RFFL: variants seen among roughly 807,000 people sequenced by gnomAD.
RFFL encodes the protein ring finger and FYVE like domain containing E3 ubiquitin protein ligase, also known as E3 ubiquitin-protein ligase rififylin.
In RFFL, 16 loss-of-function variants were observed where a neutral mutation model predicts 40.4. That is an observed-to-expected ratio of 0.40 (90% CI 0.27 to 0.60). The LOEUF is 0.60. Among genes scored for constraint, RFFL ranks in the 20% least tolerant of loss-of-function variants. RFFL has a pLI of 0.47. For synonymous variants in RFFL, 154 were observed against 167.9 expected (o/e 0.92, Z 0.64); for missense variants, 367 against 451.7 (o/e 0.81, Z 1.70).
chr17:35,083,403 T>A (rs2091412079), intron 1 of RFFL, among the ~76,000 whole-genome samples: 1 of 152,144 alleles, frequency 6.6e-6, no homozygotes, highest in Non-Finnish European at 1.5e-5. Flanking sequence ...AAATCAAACA[T>A]CCTGGATAGC....
At chr17:35,072,765 C>T (rs999197863) in intron 1 of RFFL, among the ~76,000 whole-genome samples, 20 of 151,684 alleles carry the variant, frequency 1.3e-4, no homozygotes, top group Non-Finnish European at 8.8e-5. Flanking sequence ...AAAAAGTGGT[C>T]GGGCGTGGTG....
intron 2 of RFFL, among the ~76,000 whole-genome samples, chr17:35,023,438 ACAG>A (rs1394217592): frequency 9.9e-5 from 15 of 152,252 alleles, no homozygotes; most frequent in Admixed American, 8.5e-4. Flanking sequence ...AATTCTCCAT[ACAG>A]TTATAACCAA....
intron 1 of RFFL, among the ~76,000 whole-genome samples, chr17:35,049,330 A>G (rs1407368593): frequency 6.6e-6 from 1 of 152,160 alleles, no homozygotes; most frequent in African/African-American, 2.4e-5. Context: ...ACACAAACAC[A>G]TTATCAAAAC....
intron 1 of RFFL, among the ~76,000 whole-genome samples, chr17:35,083,661 G>A (rs1169038221): frequency 1.3e-5 from 2 of 151,824 alleles, no homozygotes; most frequent in East Asian, 3.9e-4. Context: ...CATGTCTGTA[G>A]TCCCAGTTAC....
chr17:35,062,164 G>A (rs2091295357), intron 1 of RFFL, among the ~76,000 whole-genome samples: 1 of 151,810 alleles, frequency 6.6e-6, no homozygotes, highest in African/African-American at 2.4e-5. Flanking sequence ...CAGCACTTTG[G>A]GAGGCCAAGG....
At chr17:35,063,932 C>CGGGG (rs1334705739), upstream of RFFL, 5 of 152,208 alleles carry the variant, frequency 3.3e-5, no homozygotes, top group African/African-American at 1.2e-4. Context: ...TCCCCCACTA[C>CGGGG]TGGTAACTTG....
chr17:35,087,940 C>A (rs2091439074), intron 1 of RFFL, among the ~76,000 whole-genome samples: 1 of 152,202 alleles, frequency 6.6e-6, no homozygotes, highest in Non-Finnish European at 1.5e-5. Flanking sequence ...AGCCCTAGAA[C>A]TCTGTACACA....
At chr17:35,065,550 C>T (rs2091316173), upstream of RFFL, among the ~76,000 whole-genome samples, 1 of 139,902 alleles carries the variant, frequency 7.1e-6, no homozygotes, top group African/African-American at 2.7e-5. Context: ...CAGAGCAAAA[C>T]TTCGTCTCAA....
intron 1 of RFFL, among the ~76,000 whole-genome samples, chr17:35,039,749 T>C (rs71381409): frequency 0.026 from 3,876 of 150,086 alleles, 168 homozygotes; most frequent in African/African-American, 0.088. Flanking sequence ...ACGATCTCAG[T>C]TCACTGCAAC....
intron 1 of RFFL, among the ~76,000 whole-genome samples, chr17:35,030,503 A>G (rs9903555): frequency 0.026 from 3,924 of 152,052 alleles, 213 homozygotes; most frequent in African/African-American, 0.088. Flanking sequence ...GGGTTTCACC[A>G]TGTTAGCCAG....
At chr17:35,030,829 A>G (rs1049671982) in intron 1 of RFFL, among the ~76,000 whole-genome samples, 1 of 151,736 alleles carries the variant, frequency 6.6e-6, no homozygotes, top group Non-Finnish European at 1.5e-5. Context: ...AGAAGGCCTC[A>G]GTCCTAAGTC....
intron 1 of RFFL, among the ~76,000 whole-genome samples, chr17:35,033,482 C>G (rs574226114): frequency 2.0e-5 from 3 of 151,948 alleles, no homozygotes; most frequent in African/African-American, 7.3e-5. Context: ...GAGCCAAGAT[C>G]ACACCATTGC....
At chr17:35,082,933 G>C (rs1567719321) in intron 1 of RFFL, among the ~76,000 whole-genome samples, 4 of 152,152 alleles carry the variant, frequency 2.6e-5, no homozygotes. Context: ...AACTACGTTA[G>C]GGATAACGTA....
intron 1 of RFFL, among the ~76,000 whole-genome samples, chr17:35,071,816 G>A (rs1017348050): frequency 3.9e-5 from 6 of 152,116 alleles, no homozygotes; most frequent in Middle Eastern, 3.4e-3. Flanking sequence ...ATGCCCTTCC[G>A]GTGAATAGTT....
intron 1 of RFFL, among the ~76,000 whole-genome samples, chr17:35,050,960 G>T (rs374646518): frequency 6.6e-6 from 1 of 152,274 alleles, no homozygotes; most frequent in East Asian, 1.9e-4. Flanking sequence ...CAACATGAGT[G>T]AAATTGTCTC....
chr17:35,025,360 ATGAG>A (rs1300063198), intron 2 of RFFL: 1 of 152,206 alleles, frequency 6.6e-6, no homozygotes, highest in Non-Finnish European at 1.5e-5. Context: ...AGGGAAAAGA[ATGAG>A]TATTTTAATA....
intron 3 of RFFL, among the ~76,000 whole-genome samples, chr17:35,019,767 A>G (rs2090997079): frequency 6.6e-6 from 1 of 152,182 alleles, no homozygotes; most frequent in South Asian, 2.1e-4. Flanking sequence ...AGGGAAGAAT[A>G]TATAGCAGGA....
chr17:35,059,009 G>A (rs1293196093), intron 1 of RFFL, among the ~76,000 whole-genome samples: 5 of 150,252 alleles, frequency 3.3e-5, no homozygotes, highest in African/African-American at 9.8e-5. Flanking sequence ...AAAGAAGCTC[G>A]AGCTAGAATT....
chr17:35,056,522 C>T (rs1374984043), intron 1 of RFFL, among the ~76,000 whole-genome samples: 1 of 151,868 alleles, frequency 6.6e-6, no homozygotes, highest in African/African-American at 2.4e-5. Context: ...GGATTACAGG[C>T]ATGCACCACC....
Sources: allele counts gnomAD v4.1 joint callset (sites outside exome capture counted in the v4.1 genomes callset), GRCh38; gene constraint gnomAD v4.1.1; transcripts MANE v1.5; gene names NCBI Gene and HGNC (gene_info 2026-07-23, HGNC 2026-07-21).